The following GYG2 variants were observed in gnomAD, a reference collection of about 807,000 sequenced individuals.
GYG2 encodes the protein glycogenin-2.
A neutral mutation model predicts 29.4 loss-of-function variants in GYG2; 29 were observed. The ratio of observed to expected loss-of-function variants is 0.99; its 90% CI spans 0.74 to 1.35. The LOEUF is 1.35. Ranked by LOEUF, GYG2 falls within the 40% of genes most tolerant of loss-of-function variation. The pLI is 0.00. For missense variants in GYG2, 370 were observed against 385.7 expected (o/e 0.96, Z 0.34); for synonymous variants, 167 against 172.3 (o/e 0.97, Z 0.24).
rs1043190513 is a variant in GYG2 at position 2,876,055 on chromosome X, T to G, written c.1143+141T>G. 2.2e-3 allele frequency: 626 copies of G among 280,209 alleles called. 5 individuals carry two copies. Among genetic ancestry groups the G allele is most frequent in the Admixed American group, 5.0e-3 (72 of 14,276 alleles). 23.1% of individuals were successfully genotyped at this position (280,209 alleles called of 1,213,427 possible). On this transcript the variant is annotated intron_variant, in intron 9 of 10. Transcript: ENST00000398806. ...TCCCTTTTTTTTTTTTTTTTTTTTT[T>G]TTTTTTGAGTGGTTTCTCCCACCTG...
intron 6 of GYG2, among the ~76,000 whole-genome samples, chrX:2,859,568 T>G (rs750863868): frequency 5.4e-5 from 6 of 111,054 alleles, no homozygotes; most frequent in Admixed American, 4.8e-4. Context: ...GTATTATTAT[T>G]GATTATATAT....
At chrX:2,879,152 G>A (rs957301535) in intron 10 of GYG2, among the ~76,000 whole-genome samples, 1 of 110,871 alleles carries the variant, frequency 9.0e-6, no homozygotes, top group East Asian at 2.8e-4. Flanking sequence ...AAAACACTGC[G>A]GCAAGTAATT....
intron 7 of GYG2, among the ~76,000 whole-genome samples, chrX:2,860,596 T>G (rs1431349196): frequency 9.2e-6 from 1 of 109,026 alleles, no homozygotes; most frequent in Non-Finnish European, 1.9e-5. Context: ...CTCAGGAAAC[T>G]TCTTATTCCT....
chrX:2,862,252 C>T (rs1467885623), intron 8 of GYG2, among the ~76,000 whole-genome samples: 1 of 111,072 alleles, frequency 9.0e-6, no homozygotes, highest in Non-Finnish European at 1.9e-5. Context: ...CCCTAGGTCC[C>T]CAAGAAGGAA....
At chrX:2,848,513 T>TG (rs1179287639) in intron 3 of GYG2, among the ~76,000 whole-genome samples, 2 of 101,968 alleles carry the variant, frequency 2.0e-5, no homozygotes, top group African/African-American at 7.3e-5. Context: ...CACTCCAGCC[T>TG]GGTGACAGAG....
intron 8 of GYG2, among the ~76,000 whole-genome samples, chrX:2,868,145 G>T (rs886999409): frequency 1.8e-5 from 2 of 110,657 alleles, no homozygotes; most frequent in Non-Finnish European, 3.8e-5. Context: ...AATAACTGGG[G>T]AGCGTTATGT....
chrX:2,854,648 T>G (rs2087939143), intron 4 of GYG2, among the ~76,000 whole-genome samples: 1 of 112,139 alleles, frequency 8.9e-6, no homozygotes, highest in African/African-American at 3.2e-5. Flanking sequence ...GGGAAAAAAC[T>G]TGTGACTGGG....
chrX:2,830,310 G>C, intron 2 of GYG2, 115 bp downstream of exon 2: 1 of 679,648 alleles, frequency 1.5e-6, no homozygotes, highest in Non-Finnish European at 2.3e-6. Context: ...CAAACCCCGA[G>C]TCTCCCCCTT....
chrX:2,855,195 A>G (rs2087956479), intron 5 of GYG2, 40 bp downstream of exon 5: 1 of 1,122,090 alleles, frequency 8.9e-7, no homozygotes. Context: ...TCTCTGTTGC[A>G]CACACTCAAC....
At chrX:2,829,420 G>A (rs1165238629) in intron 1 of GYG2, 3 of 105,077 alleles carry the variant, frequency 2.9e-5, no homozygotes, top group African/African-American at 1.1e-4. Context: ...GCGGGCCCAA[G>A]GCAGAGGCTG....
chrX:2,839,958 C>A (rs188794459), intron 2 of GYG2, among the ~76,000 whole-genome samples: 1 of 111,897 alleles, frequency 8.9e-6, no homozygotes, highest in South Asian at 3.7e-4. Context: ...CCTCGGATTG[C>A]CTGGAGTTAG....
chrX:2,875,642 A>G (rs1326141428), intron 8 of GYG2, among the ~76,000 whole-genome samples, 168 bp from the exon 9 acceptor site: 1 of 108,967 alleles, frequency 9.2e-6, no homozygotes, highest in African/African-American at 3.3e-5. Context: ...AAGAAGAAGA[A>G]ACAAACACAG....
intron 8 of GYG2, among the ~76,000 whole-genome samples, chrX:2,869,039 C>A (rs1203810695): frequency 1.9e-5 from 2 of 107,641 alleles, no homozygotes; most frequent in Non-Finnish European, 3.8e-5. Context: ...AAGAGGGATG[C>A]TGTCCATACG....
At chrX:2,867,153 G>A (rs995387779) in intron 8 of GYG2, among the ~76,000 whole-genome samples, 1 of 111,620 alleles carries the variant, frequency 9.0e-6, no homozygotes, top group African/African-American at 3.3e-5. Flanking sequence ...GAGGGGAAAT[G>A]ACCCCCAGCT....
chrX:2,879,777 A>T (rs754536686), intron 10 of GYG2, among the ~76,000 whole-genome samples: 1 of 112,029 alleles, frequency 8.9e-6, no homozygotes, highest in South Asian at 3.7e-4. Flanking sequence ...GGATGGATGG[A>T]TGGATGGATA....
intron 7 of GYG2, 30 bp from the exon 8 acceptor site, chrX:2,861,492 G>T: frequency 8.8e-7 from 1 of 1,142,807 alleles, no homozygotes; most frequent in South Asian, 1.8e-5. Flanking sequence ...ACATAGGGAA[G>T]ACTCACTCCA....
chrX:2,855,315 C>T (rs780947829), intron 5 of GYG2, among the ~76,000 whole-genome samples, 160 bp downstream of exon 5: 2 of 112,029 alleles, frequency 1.8e-5, no homozygotes, highest in East Asian at 2.8e-4. Flanking sequence ...ATTGTATGAA[C>T]GTCCCAGAGT....
chrX:2,839,800 C>A (rs1175202328), intron 2 of GYG2, among the ~76,000 whole-genome samples: 6 of 111,893 alleles, frequency 5.4e-5, no homozygotes, highest in Non-Finnish European at 9.4e-5. Flanking sequence ...GAAATTATTC[C>A]ATTTTCAAAA....
At chrX:2,878,549 C>G (rs1048222581) in intron 10 of GYG2, among the ~76,000 whole-genome samples, 1 of 111,718 alleles carries the variant, frequency 9.0e-6, no homozygotes, top group Admixed American at 9.5e-5. Flanking sequence ...GGATTACAGG[C>G]ATGAGCCACC....
Sources: gnomAD v4.1 joint callset for allele counts (sites outside exome capture counted in the v4.1 genomes callset) on GRCh38, gnomAD v4.1.1 for gene constraint, MANE v1.5 for transcripts, NCBI Gene and HGNC (gene_info 2026-07-23, HGNC 2026-07-21) for gene names.